The following TRIP13 variants were observed in gnomAD, a reference collection of about 807,000 sequenced individuals.
TRIP13 encodes pachytene checkpoint protein 2 homolog.
TRIP13 carries 25 observed loss-of-function variants against 54.4 expected under a neutral mutation model. The observed-to-expected ratio is 0.46, with a 90% confidence interval of 0.33 to 0.64. TRIP13 has a LOEUF of 0.64. TRIP13 is among the 30% of genes least tolerant of loss of function. TRIP13 has a pLI of 0.02. For synonymous variants in TRIP13, 207 were observed against 207.8 expected (o/e 1.00, Z 0.03); for missense variants, 373 against 534.2 (o/e 0.70, Z 2.97).
In TRIP13 at chr5:903,796, TG is replaced by T. The variant is rs531464746; in HGVS notation, c.536-348del. Among the ~76,000 whole-genome samples, 10 of 151,900 alleles carry T rather than the reference TG, an allele frequency of 6.6e-5. No individual in the cohort carries two copies. The South Asian group carries it at 2.1e-3, about 32-fold the overall frequency. On this transcript the variant is annotated intron_variant, in intron 5 of 12. Transcript: ENST00000166345. The stretch of plus-strand genomic sequence containing the variant: ...ATGAGTGGATTTCATAAAGGAAGAG[TG>T]GGGACAAGGACAGGTGTCAGCAAAG...
At position 908,165 on chromosome 5, in the gene TRIP13, T is replaced by C. The variant is rs973000962; in HGVS notation, c.759+91T>C. On this transcript the variant is annotated intron_variant, in intron 8 of 12. Transcript: ENST00000166345. This position sits in a 1 kb window ranked among gnomAD's most constrained non-coding sequence, Gnocchi z 5.2. ...ACTCCTGATGCTCCTAGCTTTCCCCTCCTACAGCCGGGCTGCCCTCTATCC... is the reference window on the plus strand; with the variant it reads ...ACTCCTGATGCTCCTAGCTTTCCCCCCCTACAGCCGGGCTGCCCTCTATCC... 8.7e-6 allele frequency: 13 copies of C among 1,502,392 alleles called. No individual in the cohort carries two copies. The highest frequency in any genetic ancestry group is 2.3e-5 in the South Asian group (2 of 88,038). 93.1% of individuals were successfully genotyped at this position (1,502,392 alleles called of 1,614,324 possible).
At position 911,008 on chromosome 5, in the gene TRIP13, C is replaced by T. The variant is rs543738879; in HGVS notation, c.867-835C>T. Among the ~76,000 whole-genome samples, 87 of 152,392 alleles carry T rather than the reference C, an allele frequency of 5.7e-4. No homozygotes were observed. The highest frequency in any genetic ancestry group is 1.8e-3 in the African/African-American group (76 of 41,602). On this transcript the variant is annotated intron_variant, in intron 9 of 12. Coordinates refer to ENST00000166345, the MANE Select transcript of TRIP13 (RefSeq NM_004237.4). The surrounding 1 kb of genome is among the most constrained non-coding windows in gnomAD (Gnocchi z 4.7). ...GGTAGCACTGCCACATGTGCAGCCA[C>T]GCCCCCCAGGCCTGTGCAGCATGCT...
In TRIP13 at chr5:913,831, T is replaced by G. The variant is rs1278729808; in HGVS notation, c.1021-634T>G. On this transcript the variant is annotated intron_variant, in intron 10 of 12. Coordinates refer to ENST00000166345, the MANE Select transcript of TRIP13 (RefSeq NM_004237.4). This position sits in a 1 kb window ranked among gnomAD's most constrained non-coding sequence, Gnocchi z 4.5. ...AAAATGTTCAGACAATGCTATTTTC[T>G]TCCTTCTCCTTGTTCCTGAGTCAGA... Among the ~76,000 whole-genome samples the G allele has an allele frequency of 6.6e-6, 1 of 152,210 alleles. No homozygotes were observed. Among genetic ancestry groups the G allele is most frequent in the Non-Finnish European group, 1.5e-5 (1 of 68,038 alleles).
In TRIP13 at chr5:912,186, C is replaced by G. The variant is rs1328770653; in HGVS notation, c.1020+190C>G. Reference sequence around the variant, plus strand: ...ATAGTTGAAACTAGGGCCACTGACTCAATATTTTTGTTCTTTTGGCACAAT... The same window carrying G: ...ATAGTTGAAACTAGGGCCACTGACTGAATATTTTTGTTCTTTTGGCACAAT... On this transcript the variant is annotated intron_variant, in intron 10 of 12. Transcript: ENST00000166345. The surrounding 1 kb of genome is among the most constrained non-coding windows in gnomAD (Gnocchi z 7.2). Among the ~76,000 whole-genome samples the G allele has an allele frequency of 1.3e-5, 2 of 152,106 alleles. No individual in the cohort carries two copies. Among genetic ancestry groups the G allele is most frequent in the African/African-American group, 2.4e-5 (1 of 41,400 alleles).
At chr5:905,651 G>A (rs1257307181) in intron 6 of TRIP13, among the ~76,000 whole-genome samples, 1 of 152,158 alleles carries the variant, frequency 6.6e-6, no homozygotes, top group Non-Finnish European at 1.5e-5. Flanking sequence ...TCACTGCCCT[G>A]TGTACAGCAA....
At position 896,779 on chromosome 5, in the gene TRIP13, T is replaced by C. The variant is rs1435762115; in HGVS notation, c.373T>C (p.Trp125Arg). The change falls in exon 3 of 13, where the codon TGG becomes CGG. Residue 125 changes from tryptophan to arginine, a missense_variant. Physicochemically the swap from Trp to Arg is moderately radical, Grantham distance 101. Transcript: ENST00000166345. ...AGAAAACATAATTGCAGCAAATCACTGGGTTCTACCTGCAGGTATGGGGTG... is the reference window on the plus strand; with the variant it reads ...AGAAAACATAATTGCAGCAAATCACCGGGTTCTACCTGCAGGTATGGGGTG... ...ETENIIAANHWVLPAAEFHGL... is the reference protein window; with the variant it reads ...ETENIIAANHRVLPAAEFHGL... 6.2e-7 allele frequency: 1 copy of C among 1,613,392 alleles called. No individual in the cohort carries two copies.
chr5:900,732 G>T (rs144604953), intron 4 of TRIP13, among the ~76,000 whole-genome samples, 183 bp downstream of exon 4: 10 of 152,312 alleles, frequency 6.6e-5, no homozygotes, highest in Admixed American at 6.5e-4. Flanking sequence ...GGTCTCTGAG[G>T]AGCTCCCTGA....
chr5:917,104 T>C lies in TRIP13; in HGVS notation c.*1T>C. 6.2e-7 allele frequency: 1 copy of C among 1,613,894 alleles called. No homozygotes were observed. On this transcript the variant is annotated 3_prime_UTR_variant, in exon 13 of 13. Coordinates refer to ENST00000166345, the MANE Select transcript of TRIP13 (RefSeq NM_004237.4). ...AAAGAAGCTTGCAGCTTACATCTGA[T>C]CCTGGGCTTCCCCATCTGGTGCTTT...
rs375973047 is a variant in TRIP13 at position 908,051 on chromosome 5, C to T, written c.736C>T (p.Leu246=). The part of the protein sequence containing the change: ...IQDLIDDKDA[L]VFVLIDEVES... ...GGATTTGATTGATGATAAAGACGCC[C>T]TGGTGTTCGTGCTGATTGATGAGGT... is the stretch of plus-strand genomic sequence containing the variant. The change falls in exon 8 of 13, where the codon CTG becomes TTG. Residue 246 remains leucine, a synonymous_variant. Coordinates refer to ENST00000166345, the MANE Select transcript of TRIP13 (RefSeq NM_004237.4). This position sits in a 1 kb window ranked among gnomAD's most constrained non-coding sequence, Gnocchi z 5.2. The T allele has an allele frequency of 6.2e-6, 10 of 1,614,076 alleles. No individual in the cohort carries two copies. The highest frequency in any genetic ancestry group is 4.0e-5 in the African/African-American group (3 of 74,924).
chr5:919,080 T>A (rs1326553786), downstream of TRIP13: 6 of 152,100 alleles, frequency 3.9e-5, no homozygotes, highest in Non-Finnish European at 8.8e-5. Flanking sequence ...AAAGAAAAAA[T>A]TGCCAAACCT....
At chr5:905,382 G>A (rs1351517518) in intron 6 of TRIP13, among the ~76,000 whole-genome samples, 1 of 152,180 alleles carries the variant, frequency 6.6e-6, no homozygotes, top group Non-Finnish European at 1.5e-5. Flanking sequence ...ATTCATCCAG[G>A]ACATCGGGGG....
rs950743124 is a variant in TRIP13 at position 912,203 on chromosome 5, T to A, written c.1020+207T>A. Among the ~76,000 whole-genome samples, 1 of 152,196 alleles carries A rather than the reference T, an allele frequency of 6.6e-6. No individual in the cohort carries two copies. The highest frequency in any genetic ancestry group is 1.5e-5 in the Non-Finnish European group (1 of 68,032). ...CACTGACTCAATATTTTTGTTCTTT[T>A]GGCACAATACAGTCATCATTGTTCA... On this transcript the variant is annotated intron_variant, in intron 10 of 12. Coordinates refer to ENST00000166345, the MANE Select transcript of TRIP13 (RefSeq NM_004237.4). This position sits in a 1 kb window ranked among gnomAD's most constrained non-coding sequence, Gnocchi z 7.2.
intron 2 of TRIP13, among the ~76,000 whole-genome samples, chr5:896,463 G>A (rs1753917027): frequency 6.6e-6 from 1 of 152,218 alleles, no homozygotes. Flanking sequence ...AGGGCCCAAA[G>A]AGCAAGGGAT....
At position 912,014 on chromosome 5, in the gene TRIP13, T is replaced by A. The variant is rs1191065438; in HGVS notation, c.1020+18T>A. The A allele has an allele frequency of 6.3e-7, 1 of 1,596,842 alleles. No homozygotes were observed. The highest frequency in any genetic ancestry group is 2.2e-5 in the East Asian group (1 of 44,786). On this transcript the variant is annotated intron_variant, in intron 10 of 12. Coordinates refer to ENST00000166345, the MANE Select transcript of TRIP13 (RefSeq NM_004237.4). This position sits in a 1 kb window ranked among gnomAD's most constrained non-coding sequence, Gnocchi z 7.2. ...TGATGAAGGTACCTTTATTTTTTTT[T>A]TCCTCTTGATACAAATGGATTTCTT...
intron 5 of TRIP13, among the ~76,000 whole-genome samples, chr5:901,897 A>G (rs1005894537): frequency 6.6e-6 from 1 of 152,220 alleles, no homozygotes; most frequent in African/African-American, 2.4e-5. Context: ...TGCTGGGATT[A>G]CAGGCTTGAG....
rs1754359808 is a variant in TRIP13, at chr5:917,217, G to C, written c.*114G>C. On this transcript the variant is annotated 3_prime_UTR_variant, in exon 13 of 13. Transcript: ENST00000166345. Reference sequence around the variant, plus strand: ...CCTTCTGCAAACCAAACGTTACTTAGACTGCAAGCTAGAAAGCCACCAAGG... The same window carrying C: ...CCTTCTGCAAACCAAACGTTACTTACACTGCAAGCTAGAAAGCCACCAAGG... 1.0e-6 allele frequency: 1 copy of C among 963,230 alleles called. No homozygotes were observed. The allele number at this position is 963,230 out of a possible 1,614,324, so 59.7% of individuals were successfully genotyped here.
Position 911,670 on chromosome 5 carries a change from G to A in TRIP13, c.867-173G>A, listed in dbSNP as rs1490859916. ...AGAATTCCCAGAAGGCCAAGGAGCAGCGAGAGCAAAGGCTGGGGGGTCTGC... is the reference window on the plus strand; with the variant it reads ...AGAATTCCCAGAAGGCCAAGGAGCAACGAGAGCAAAGGCTGGGGGGTCTGC... On this transcript the variant is annotated intron_variant, in intron 9 of 12. Coordinates refer to ENST00000166345, the MANE Select transcript of TRIP13 (RefSeq NM_004237.4). This position sits in a 1 kb window ranked among gnomAD's most constrained non-coding sequence, Gnocchi z 4.7. 6.6e-6 allele frequency among the ~76,000 whole-genome samples: 1 copy of A among 152,210 alleles called. No homozygotes were observed. Among genetic ancestry groups the A allele is most frequent in the Admixed American group, 6.5e-5 (1 of 15,284 alleles).
Sources: gnomAD v4.1 joint callset for allele counts (sites outside exome capture counted in the v4.1 genomes callset) on GRCh38, gnomAD v4.1.1 for gene constraint, Gnocchi (gnomAD v3.1) non-coding constraint, MANE v1.5 for transcripts, NCBI Gene and HGNC (gene_info 2026-07-23, HGNC 2026-07-21) for gene names.